Variants in TENT4A observed in about 807,000 individuals in gnomAD.
TENT4A encodes DNA polymerase kappa.
Under a neutral mutation model 72.8 loss-of-function variants are expected in TENT4A, and 7 were observed. The ratio of observed to expected loss-of-function variants is 0.10; its 90% CI spans 0.05 to 0.18. The LOEUF (loss-of-function observed/expected upper bound fraction) is 0.18, where lower values mean the gene tolerates loss of function less well. Among genes scored for constraint, TENT4A ranks in the 10% least tolerant of loss-of-function variants. The pLI is 1.00. For synonymous variants in TENT4A, 456 were observed against 434.3 expected, an observed-to-expected ratio of 1.05 and a Z score of -0.62; for missense variants, 831 against 1,017.7, an observed-to-expected ratio of 0.82 and a Z score of 2.50.
chr5:6,748,370 G>A, intron 7 of TENT4A, 94 bp from the exon 8 acceptor site: 1 of 1,514,086 alleles, frequency 6.6e-7, no homozygotes, highest in Non-Finnish European at 9.1e-7. Context: ...TCAGTGGTGA[G>A]GGCCTGCTTC....
chr5:6,751,106 T>C lies in TENT4A; in HGVS notation c.1928T>C (p.Leu643Pro). Reference protein sequence around the residue: ...YQFSLQAPAPLMAGLPTALPM... With the variant: ...YQFSLQAPAPPMAGLPTALPM... ...TTCAGTCTGCAAGCGCCAGCTCCTC[T>C]CATGGCCGGCTTACCCACCGCCTTG... is the stretch of plus-strand genomic sequence containing the variant. The change falls in exon 11 of 13, where the codon CTC becomes CCC. Residue 643 changes from leucine to proline, a missense_variant. Leu to Pro is a moderately conservative substitution (Grantham distance 98). This residue lies in a region of TENT4A where 332 missense variants were observed against 324.3 expected (regional missense o/e 1.02). Transcript: ENST00000230859. The C allele has an allele frequency of 6.2e-7, 1 of 1,614,212 alleles. No homozygotes were observed. The highest frequency in any genetic ancestry group is 2.2e-5 in the East Asian group (1 of 44,880).
Position 6,754,990 on chromosome 5 carries a change from C to CCCGCGG in TENT4A, c.*48_*53dup. The stretch of plus-strand genomic sequence containing the variant: ...CCTCCCCCACCCCTCTGCAGACTGC[C>CCCGCGG]CCGCGGCCTCGGCCACCGGCAGGGG... On this transcript the variant is annotated 3_prime_UTR_variant, in exon 13 of 13. Transcript: ENST00000230859. 2.0e-6 allele frequency: 3 copies of CCCGCGG among 1,482,838 alleles called. No individual in the cohort carries two copies. Among genetic ancestry groups the CCCGCGG allele is most frequent in the Non-Finnish European group, 2.7e-6 (3 of 1,108,428 alleles). The allele number at this position is 1,482,838 out of a possible 1,614,324, so 91.9% of individuals were successfully genotyped here.
chr5:6,728,432 G>C (rs1419512001), intron 1 of TENT4A, among the ~76,000 whole-genome samples: 1 of 152,192 alleles, frequency 6.6e-6, no homozygotes, highest in Non-Finnish European at 1.5e-5. Context: ...GTGTGGTTGG[G>C]GCACTTGGGA....
chr5:6,737,594 G>A lies in TENT4A; in HGVS notation c.801G>A (p.Arg267=). The A allele has an allele frequency of 6.2e-7, 1 of 1,614,190 alleles. No homozygotes were observed. The highest frequency in any genetic ancestry group is 1.3e-5 in the African/African-American group (1 of 75,070). Residue 267 remains arginine, a synonymous_variant, in exon 2 of 13, where the codon CGG becomes CGA. Transcript: ENST00000230859. Reference sequence around the variant, plus strand: ...CTATGAGAAGAGAGGTGGTGAAACGGATCGAAACTGTGGTGAAAGACCTTT... The same window carrying A: ...CTATGAGAAGAGAGGTGGTGAAACGAATCGAAACTGTGGTGAAAGACCTTT... The part of the protein sequence containing the change: ...EAAMRREVVK[R]IETVVKDLWP...
At chr5:6,731,254 A>G (rs1343530190) in intron 1 of TENT4A, among the ~76,000 whole-genome samples, 1 of 152,234 alleles carries the variant, frequency 6.6e-6, no homozygotes, top group Admixed American at 6.5e-5. Flanking sequence ...GAGGAAGAGA[A>G]TAAATTCACA....
At position 6,751,113 on chromosome 5, in the gene TENT4A, C is replaced by T. The variant is rs140939839; in HGVS notation, c.1935C>T (p.Ala645=). ...FSLQAPAPLM[A]GLPTALPMPS... is the part of the protein sequence containing the mutation. The stretch of plus-strand genomic sequence containing the variant: ...TGCAAGCGCCAGCTCCTCTCATGGC[C>T]GGCTTACCCACCGCCTTGCCAATGC... The change falls in exon 11 of 13, where the codon GCC becomes GCT. Residue 645 remains alanine (A), a synonymous_variant. Transcript: ENST00000230859. The T allele has an allele frequency of 1.8e-4, 285 of 1,614,012 alleles. No homozygotes were observed. The highest frequency in any genetic ancestry group is 2.2e-4 in the Non-Finnish European group (263 of 1,180,002).
intron 1 of TENT4A, among the ~76,000 whole-genome samples, chr5:6,719,255 C>A (rs1197240401): frequency 6.6e-6 from 1 of 152,056 alleles, no homozygotes; most frequent in African/African-American, 2.4e-5. Context: ...ATGTAAGCGT[C>A]CTGTGGAAGA....
chr5:6,744,371 T>C (rs1203255167), intron 6 of TENT4A, among the ~76,000 whole-genome samples: 1 of 152,248 alleles, frequency 6.6e-6, no homozygotes, highest in Non-Finnish European at 1.5e-5. Flanking sequence ...AATGCTGTGA[T>C]GTATTGATAA....
intron 1 of TENT4A, among the ~76,000 whole-genome samples, chr5:6,716,571 C>T (rs1377182618): frequency 6.6e-6 from 1 of 152,206 alleles, no homozygotes; most frequent in Non-Finnish European, 1.5e-5. Context: ...ATGGGGCAAT[C>T]TTCTCTGCCA....
At chr5:6,719,513 G>T (rs908364221) in intron 1 of TENT4A, among the ~76,000 whole-genome samples, 1 of 152,196 alleles carries the variant, frequency 6.6e-6, no homozygotes, top group African/African-American at 2.4e-5. Context: ...GCCATGAAGA[G>T]GCCCTTTCTA....
rs186140867 is a variant in TENT4A at position 6,756,099 on chromosome 5, G to A, written c.*1154G>A. 0.011 allele frequency: 1,652 copies of A among 152,748 alleles called. 16 individuals carry two copies. The highest frequency in any genetic ancestry group is 0.015 in the Non-Finnish European group (1,009 of 68,050). 9.5% of individuals were successfully genotyped at this position (152,748 alleles called of 1,614,324 possible). A position where few individuals can be genotyped will look rare whatever the true frequency, so the allele number is the denominator to read the frequency against. The stretch of plus-strand genomic sequence containing the variant: ...AAGTGCTTCAGCTGCCCAGTGCGCC[G>A]TGGGGAGTGTTTTAACGGATCGTGT... On this transcript the variant is annotated 3_prime_UTR_variant, in exon 13 of 13. Transcript: ENST00000230859.
At chr5:6,737,852 C>G (rs558045770) in intron 2 of TENT4A, among the ~76,000 whole-genome samples, 1 of 151,142 alleles carries the variant, frequency 6.6e-6, no homozygotes, top group South Asian at 2.1e-4. Flanking sequence ...GGCCGCACAT[C>G]TTCGTGATGC....
intron 12 of TENT4A, among the ~76,000 whole-genome samples, chr5:6,753,711 C>G (rs867963511): frequency 6.6e-6 from 1 of 152,256 alleles, no homozygotes; most frequent in South Asian, 2.1e-4. Context: ...GTCCACACCT[C>G]TTTATTCCGC....
chr5:6,739,690 T>C (rs374823243), intron 3 of TENT4A, 42 bp from the exon 4 acceptor site: 2 of 1,610,566 alleles, frequency 1.2e-6, no homozygotes, highest in African/African-American at 1.3e-5. Context: ...GTGTAGGCTG[T>C]GGCGAGGGGA....
rs552895496 is a variant in TENT4A at position 6,756,650 on chromosome 5, C to T, written c.*1705C>T. The T allele has an allele frequency of 3.7e-4, 57 of 152,398 alleles. No individual in the cohort carries two copies. The Middle Eastern group carries it at 0.01, about 27-fold the overall frequency. The allele number at this position is 152,398 out of a possible 1,614,324, so 9.4% of individuals were successfully genotyped here. On this transcript the variant is annotated 3_prime_UTR_variant, in exon 13 of 13. Transcript: ENST00000230859. ...CACTGTGTCTGCAGTTCTCGATGAC[C>T]GAAAGTTATCAAAAATATTTAAAAT...
chr5:6,729,447 CAG>C (rs2126615708), intron 1 of TENT4A, among the ~76,000 whole-genome samples: 2 of 152,354 alleles, frequency 1.3e-5, no homozygotes, highest in Admixed American at 6.5e-5. Context: ...GGAAAGACAA[CAG>C]AAAGTATAGC....
Position 6,713,880 on chromosome 5 carries a change from CCCGT to C in TENT4A, c.-91_-88del, listed in dbSNP as rs1441577371. 2.5e-3 allele frequency: 625 copies of C among 249,952 alleles called. 4 individuals carry two copies. The highest frequency in any genetic ancestry group is 0.012 in the East Asian group (64 of 5,482). 15.5% of individuals were successfully genotyped at this position (249,952 alleles called of 1,614,324 possible). On this transcript the variant is annotated 5_prime_UTR_variant, in exon 1 of 13. Transcript: ENST00000230859. Reference sequence around the variant, plus strand: ...CCGCCGCCGCCGCCACCGGCCCAGGCCCGTCCGTCCGTCCGTGCGCGCGCGGCCG... The same window carrying C: ...CCGCCGCCGCCGCCACCGGCCCAGGCCCGTCCGTCCGTGCGCGCGCGGCCG...
intron 1 of TENT4A, among the ~76,000 whole-genome samples, chr5:6,717,356 G>C (rs1353403076): frequency 1.3e-5 from 2 of 152,252 alleles, no homozygotes; most frequent in Non-Finnish European, 2.9e-5. Context: ...AATGCAGTGT[G>C]TATTCCTCAT....
chr5:6,752,829 C>T (rs770422142), intron 11 of TENT4A, 44 bp from the exon 12 acceptor site: 4 of 1,583,280 alleles, frequency 2.5e-6, no homozygotes, highest in South Asian at 1.1e-5. Flanking sequence ...TGGTTTTCCT[C>T]TGATTGCTTT....
Sources: allele counts gnomAD v4.1 joint callset (sites outside exome capture counted in the v4.1 genomes callset), GRCh38; gene constraint gnomAD v4.1.1; regional missense constraint gnomAD v4.1.1; transcripts MANE v1.5; gene names NCBI Gene and HGNC (gene_info 2026-07-23, HGNC 2026-07-21).